Variants in LRRC56 observed in about 807,000 individuals in gnomAD.
The protein encoded by LRRC56 is leucine rich repeat containing 56.
LRRC56 carries 41 observed loss-of-function variants against 47.8 expected under a neutral mutation model. The ratio of observed to expected loss-of-function variants is 0.86; its 90% CI spans 0.67 to 1.11. The LOEUF (loss-of-function observed/expected upper bound fraction) is 1.11, where lower values mean the gene tolerates loss of function less well. Among genes scored for constraint, LRRC56 ranks in the 50% most tolerant of loss-of-function variants. The pLI is 0.00. For missense variants in LRRC56, 759 were observed against 704.2 expected, an observed-to-expected ratio of 1.08 and a Z score of -0.88; for synonymous variants, 387 against 311.2, an observed-to-expected ratio of 1.24 and a Z score of -2.56.
the LRRC56 span, among the ~76,000 whole-genome samples, chr11:521,351 G>A: frequency 1.3e-5 from 2 of 152,120 alleles, no homozygotes; most frequent in African/African-American, 4.8e-5. Context: ...TTTGAGACAG[G>A]CATCTGGAGT....
the LRRC56 span, among the ~76,000 whole-genome samples, chr11:520,588 G>GCGTT: frequency 6.6e-6 from 1 of 152,160 alleles, no homozygotes; most frequent in Non-Finnish European, 1.5e-5. Flanking sequence ...CAAAGTCCTG[G>GCGTT]CGTTACAGGC....
chr11:550,501 C>T (rs1659449298), intron 8 of LRRC56, among the ~76,000 whole-genome samples: 1 of 152,174 alleles, frequency 6.6e-6, no homozygotes, highest in Non-Finnish European at 1.5e-5. Flanking sequence ...ACGCCATGTC[C>T]CTTAACCCAC....
chr11:546,896 CA>C (rs1053416297), intron 6 of LRRC56, among the ~76,000 whole-genome samples: 67 of 141,490 alleles, frequency 4.7e-4, no homozygotes, highest in Middle Eastern at 3.5e-3. Context: ...ACTAAAAATA[CA>C]AAAAAAAAAA....
the LRRC56 span, among the ~76,000 whole-genome samples, chr11:514,724 C>T: frequency 1.3e-5 from 2 of 152,148 alleles, no homozygotes; most frequent in African/African-American, 2.4e-5. Context: ...TGTTATTGCA[C>T]ACCTGACTGC....
chr11:523,553 C>A, the LRRC56 span, among the ~76,000 whole-genome samples: 1,010 of 151,270 alleles, frequency 6.7e-3, 25 homozygotes, highest in African/African-American at 0.023. Flanking sequence ...ATCGCTTGAA[C>A]CCTGGAGGTG....
At chr11:527,067 C>T in the LRRC56 span, among the ~76,000 whole-genome samples, 32 of 152,118 alleles carry the variant, frequency 2.1e-4, no homozygotes, top group East Asian at 2.5e-3. Flanking sequence ...TTTGGGAGGC[C>T]GAGGCGGGCA....
intron 6 of LRRC56, among the ~76,000 whole-genome samples, 194 bp downstream of exon 6, chr11:544,974 G>A (rs1396946493): frequency 6.6e-6 from 1 of 151,942 alleles, no homozygotes; most frequent in Admixed American, 6.6e-5. Flanking sequence ...TGGGCAGGTG[G>A]GGGGAGCCTG....
rs1249606689 is a variant in LRRC56 at position 549,056 on chromosome 11, G to A, written c.327-846G>A. Reference sequence around the variant, plus strand: ...AGACACTGACTCCACAGCGCGAAAGGACGGACCACCGGGAATGCACCTGAG... The same window carrying A: ...AGACACTGACTCCACAGCGCGAAAGAACGGACCACCGGGAATGCACCTGAG... On this transcript the variant is annotated intron_variant, in intron 6 of 13. Transcript: ENST00000270115. Among the ~76,000 whole-genome samples, 3 of 152,174 alleles carry A rather than the reference G, an allele frequency of 2.0e-5. No homozygotes were observed. In the East Asian group the frequency reaches 5.8e-4, roughly 29 times the overall value.
At chr11:520,519 A>T in the LRRC56 span, among the ~76,000 whole-genome samples, 3 of 151,960 alleles carry the variant, frequency 2.0e-5, no homozygotes, top group African/African-American at 7.3e-5. Flanking sequence ...GGGTTTCATC[A>T]TGTTGGCCAG....
Position 551,951 on chromosome 11 carries a change from G to C in LRRC56, c.1022G>C (p.Arg341Pro). ...AACCCCACCAAGGGCCTGCGGGAGC[G>C]TAGGCACCAGTGCCAGGTACAGCCC... ...CGNPTKGLRE[R>P]RHQCQAREPP... is the part of the protein sequence containing the mutation. The change falls in exon 11 of 14, where the codon CGT becomes CCT. Residue 341 changes from arginine to proline, a missense_variant. Physicochemically the swap from Arg to Pro is moderately radical, Grantham distance 103. Transcript: ENST00000270115. 2 of 1,612,706 alleles carry C rather than the reference G, an allele frequency of 1.2e-6. No individual in the cohort carries two copies. The highest frequency in any genetic ancestry group is 1.7e-6 in the Non-Finnish European group (2 of 1,179,904).
chr11:527,587 A>T, the LRRC56 span, among the ~76,000 whole-genome samples: 1 of 152,048 alleles, frequency 6.6e-6, no homozygotes, highest in Non-Finnish European at 1.5e-5. Context: ...GCTGGAGTGC[A>T]GTGGCGCTAT....
At chr11:525,441 A>G in the LRRC56 span, among the ~76,000 whole-genome samples, 1,012 of 152,134 alleles carry the variant, frequency 6.7e-3, 25 homozygotes, top group African/African-American at 0.023. Flanking sequence ...CGGGAGGCTG[A>G]GGCAGGAGAA....
the LRRC56 span, among the ~76,000 whole-genome samples, chr11:517,679 G>T: frequency 6.6e-6 from 1 of 152,200 alleles, no homozygotes; most frequent in African/African-American, 2.4e-5. Flanking sequence ...AAGAGACAGC[G>T]ACCATCGAGA....
rs769446515 is a variant in LRRC56, at chr11:551,187, G to A, written c.681G>A (p.Gln227=). Reference sequence around the variant, plus strand: ...TGAGGAAGCTCATTCCCCAGCTGCAGGTCCTGGACGAAGTGCCGGCCGCAC... The same window carrying A: ...TGAGGAAGCTCATTCCCCAGCTGCAAGTCCTGGACGAAGTGCCGGCCGCAC... ...AEVRKLIPQL[Q]VLDEVPAAHT... is the part of the protein sequence containing the mutation. The change falls in exon 9 of 14, where the codon CAG becomes CAA. Residue 227 remains glutamine, a synonymous_variant. Coordinates refer to ENST00000270115, the MANE Select transcript of LRRC56 (RefSeq NM_198075.4). 2.6e-6 allele frequency: 4 copies of A among 1,544,942 alleles called. No individual in the cohort carries two copies. Among genetic ancestry groups the A allele is most frequent in the Non-Finnish European group, 3.5e-6 (4 of 1,143,576 alleles).
the LRRC56 span, among the ~76,000 whole-genome samples, chr11:512,510 C>A: frequency 1.3e-5 from 2 of 152,160 alleles, no homozygotes; most frequent in African/African-American, 4.8e-5. Context: ...GCTGGGATGA[C>A]ACTGAGCCAC....
chr11:516,392 CAAAA>C, the LRRC56 span, among the ~76,000 whole-genome samples: 73 of 138,292 alleles, frequency 5.3e-4, no homozygotes, highest in African/African-American at 1.7e-3. Flanking sequence ...GCCTCCATCT[CAAAA>C]AAAAAAAAAC....
chr11:548,320 G>A (rs536706996), intron 6 of LRRC56, among the ~76,000 whole-genome samples: 12 of 152,186 alleles, frequency 7.9e-5, no homozygotes, highest in Admixed American at 1.3e-4. Flanking sequence ...TCACTCTGTC[G>A]CCCAGGCTGG....
At chr11:552,536 G>A in intron 12 of LRRC56, 33 bp from the exon 13 acceptor site, 1 of 1,568,200 alleles carries the variant, frequency 6.4e-7, no homozygotes. Flanking sequence ...GGGGGGATCA[G>A]GGCTGGAGCT....
At chr11:544,106 C>G (rs1346361623) in intron 5 of LRRC56, among the ~76,000 whole-genome samples, 1 of 152,258 alleles carries the variant, frequency 6.6e-6, no homozygotes, top group African/African-American at 2.4e-5. Context: ...GCATATGCCC[C>G]ATCCTACAAA....
Sources: allele counts gnomAD v4.1 joint callset (sites outside exome capture counted in the v4.1 genomes callset), GRCh38; gene constraint gnomAD v4.1.1; transcripts MANE v1.5; gene names NCBI Gene and HGNC (gene_info 2026-07-23, HGNC 2026-07-21).